Variants in APBA2 observed in about 807,000 individuals in gnomAD.
APBA2 encodes the protein amyloid beta precursor protein binding family A member 2, also known as amyloid-beta A4 precursor protein-binding family A member 2.
Under a neutral mutation model 75.0 loss-of-function variants are expected in APBA2, and 30 were observed. The ratio of observed to expected loss-of-function variants is 0.40; its 90% CI spans 0.30 to 0.54. The LOEUF is 0.54. Among genes scored for constraint, APBA2 ranks in the 20% least tolerant of loss-of-function variants. The probability of loss-of-function intolerance (pLI) is 0.49; values close to 1 mark genes in which losing one functional copy is unlikely to be tolerated. For missense variants in APBA2, 801 were observed against 1,016.1 expected, an observed-to-expected ratio of 0.79 and a Z score of 2.88; for synonymous variants, 444 against 409.6, an observed-to-expected ratio of 1.08 and a Z score of -1.01.
At chr15:28,944,320 G>A (rs2035416115) in intron 2 of APBA2, among the ~76,000 whole-genome samples, 1 of 152,104 alleles carries the variant, frequency 6.6e-6, no homozygotes, top group African/African-American at 2.4e-5. Flanking sequence ...CCTCTATTTT[G>A]TACGCTCAGT....
At chr15:28,941,906 G>T (rs141914713) in intron 2 of APBA2, among the ~76,000 whole-genome samples, 1 of 151,984 alleles carries the variant, frequency 6.6e-6, no homozygotes, top group East Asian at 1.9e-4. Context: ...ACAGGTGCCC[G>T]CCACCACGCC....
intron 2 of APBA2, among the ~76,000 whole-genome samples, chr15:28,943,897 G>T (rs947198944): frequency 6.6e-6 from 1 of 152,110 alleles, no homozygotes; most frequent in African/African-American, 2.4e-5. Flanking sequence ...ATCCCAGAGG[G>T]CCCCCTTTGT....
intron 2 of APBA2, among the ~76,000 whole-genome samples, chr15:28,947,207 C>G (rs572664060): frequency 6.6e-6 from 1 of 152,206 alleles, no homozygotes; most frequent in Non-Finnish European, 1.5e-5. Flanking sequence ...AAACGCTGGG[C>G]CCTTAGTGGA....
intron 2 of APBA2, among the ~76,000 whole-genome samples, chr15:28,978,285 T>C (rs890558644): frequency 6.6e-6 from 1 of 152,232 alleles, no homozygotes; most frequent in Non-Finnish European, 1.5e-5. Flanking sequence ...TCCGTGAGCC[T>C]GGCCCTGCAA....
At position 29,027,727 on chromosome 15, in the gene APBA2, G is replaced by A. The variant is rs951603128; in HGVS notation, c.-40-26118G>A. 8.6e-5 allele frequency among the ~76,000 whole-genome samples: 13 copies of A among 151,692 alleles called. 1 individual carries two copies. Among genetic ancestry groups the A allele is most frequent in the African/African-American group, 2.2e-4 (9 of 41,398 alleles). On this transcript the variant is annotated intron_variant, in intron 3 of 14. Coordinates refer to ENST00000683413, the MANE Select transcript of APBA2 (RefSeq NM_001353788.2). ...CCGCATTCTCCTGCCTCAGCCCACCGAGTAGCTGGGACTACAGGCGCCTGC... is the reference window on the plus strand; with the variant it reads ...CCGCATTCTCCTGCCTCAGCCCACCAAGTAGCTGGGACTACAGGCGCCTGC...
At chr15:28,975,768 T>C (rs575304477) in intron 2 of APBA2, among the ~76,000 whole-genome samples, 2 of 152,244 alleles carry the variant, frequency 1.3e-5, no homozygotes, top group Non-Finnish European at 2.9e-5. Context: ...AGCTAATTCC[T>C]TCAAAATATA....
chr15:29,054,595 G>A lies in APBA2; in HGVS notation c.711G>A (p.Leu237=). 1 of 1,614,136 alleles carries A rather than the reference G, an allele frequency of 6.2e-7. No homozygotes were observed. Among genetic ancestry groups the A allele is most frequent in the South Asian group, 1.1e-5 (1 of 91,062 alleles). ...TCGTGGCAGAGATCAAGATGAGTCT[G>A]AGCATGACCAGCATCACCAGCGCCA... is the stretch of plus-strand genomic sequence containing the variant. The part of the protein sequence containing the change: ...DQIVAEIKMS[L]SMTSITSASE... Residue 237 remains leucine (L), a synonymous_variant, in exon 4 of 15, where the codon CTG becomes CTA. Coordinates refer to ENST00000683413, the MANE Select transcript of APBA2 (RefSeq NM_001353788.2). The surrounding 1 kb of genome is among the most constrained non-coding windows in gnomAD (Gnocchi z 6.1).
chr15:29,083,401 G>C (rs1241576221), intron 6 of APBA2, among the ~76,000 whole-genome samples: 1 of 152,050 alleles, frequency 6.6e-6, no homozygotes, highest in African/African-American at 2.4e-5. Flanking sequence ...TTTATTACCT[G>C]GTAGGGCTAC....
intron 1 of APBA2, among the ~76,000 whole-genome samples, chr15:28,902,892 G>A (rs966011547): frequency 3.3e-5 from 5 of 152,094 alleles, no homozygotes; most frequent in African/African-American, 1.2e-4. Context: ...AAACTGGGGG[G>A]TAAGCTCATG....
chr15:28,949,540 C>T (rs1266135005), intron 2 of APBA2, among the ~76,000 whole-genome samples: 1 of 152,202 alleles, frequency 6.6e-6, no homozygotes, highest in African/African-American at 2.4e-5. Context: ...ACGATTTCAG[C>T]TCACTGCAGC....
At chr15:29,011,239 C>A (rs897959122) in intron 3 of APBA2, among the ~76,000 whole-genome samples, 1 of 152,166 alleles carries the variant, frequency 6.6e-6, no homozygotes, top group Non-Finnish European at 1.5e-5. Context: ...CATCATCCAT[C>A]GATAGACATT....
At chr15:29,002,664 G>T (rs1432511344) in intron 3 of APBA2, among the ~76,000 whole-genome samples, 1 of 152,084 alleles carries the variant, frequency 6.6e-6, no homozygotes, top group Non-Finnish European at 1.5e-5. Context: ...TGTATTCATT[G>T]TTCATCTAAA....
At chr15:28,974,824 T>A (rs1201142876) in intron 2 of APBA2, among the ~76,000 whole-genome samples, 1 of 152,120 alleles carries the variant, frequency 6.6e-6, no homozygotes, top group African/African-American at 2.4e-5. Flanking sequence ...ATTAATGGAT[T>A]TATCATCTAA....
chr15:28,934,535 A>G (rs972386934), intron 2 of APBA2, among the ~76,000 whole-genome samples: 7 of 152,176 alleles, frequency 4.6e-5, no homozygotes, highest in African/African-American at 1.4e-4. Flanking sequence ...TGCGAGGTCT[A>G]TTGGCGCCTG....
rs537559991 is a variant in APBA2 at position 28,886,724 on chromosome 15, C to T, written c.-205+446C>T. 1.1e-4 allele frequency among the ~76,000 whole-genome samples: 17 copies of T among 152,312 alleles called. No homozygotes were observed. In the South Asian group the frequency reaches 3.3e-3, roughly 30 times the overall value. ...GGGTCGCCTCTGGGTTCGCTGCCCC[C>T]AGAGAACCCAAGCCCAGATCTTCGC... On this transcript the variant is annotated intron_variant, in intron 1 of 14. Coordinates refer to ENST00000683413, the MANE Select transcript of APBA2 (RefSeq NM_001353788.2).
chr15:28,915,595 C>T (rs1325204415), intron 1 of APBA2, among the ~76,000 whole-genome samples: 15 of 151,006 alleles, frequency 9.9e-5, no homozygotes, highest in Admixed American at 3.3e-4. Flanking sequence ...TACCACACAC[C>T]GCATTCCACA....
At chr15:28,898,119 A>C (rs2032622998) in intron 1 of APBA2, among the ~76,000 whole-genome samples, 1 of 152,146 alleles carries the variant, frequency 6.6e-6, no homozygotes, top group South Asian at 2.1e-4. Flanking sequence ...GTGCCTCTGG[A>C]GGGAATGTGG....
At chr15:29,064,168 C>T (rs544689583) in intron 4 of APBA2, among the ~76,000 whole-genome samples, 8 of 152,312 alleles carry the variant, frequency 5.3e-5, no homozygotes, top group African/African-American at 1.7e-4. Flanking sequence ...ACCTCTTCTT[C>T]CAGGTAGGCA....
In APBA2 at chr15:29,082,932, C is replaced by T. The variant is rs148547238; in HGVS notation, c.1069+6841C>T. On this transcript the variant is annotated intron_variant, in intron 6 of 14. Coordinates refer to ENST00000683413, the MANE Select transcript of APBA2 (RefSeq NM_001353788.2). ...AAAAAATAAACTGAGCGCAGCAGCA[C>T]GTGCCTGTAATCCCAGCTACTAGAG... 3.7e-4 allele frequency among the ~76,000 whole-genome samples: 56 copies of T among 152,086 alleles called. No homozygotes were observed. The East Asian group carries it at 0.01, about 28-fold the overall frequency.
Sources: allele counts gnomAD v4.1 joint callset (sites outside exome capture counted in the v4.1 genomes callset), GRCh38; gene constraint gnomAD v4.1.1; non-coding constraint Gnocchi (gnomAD v3.1); transcripts MANE v1.5; gene names NCBI Gene and HGNC (gene_info 2026-07-23, HGNC 2026-07-21).